CFAP107: variants seen among roughly 807,000 people sequenced by gnomAD.
The protein encoded by CFAP107 is cilia and flagella associated protein 107, also known as cilia- and flagella-associated protein 107.
chr1:12,759,160 T>G, the CFAP107 span: 2 of 816,800 alleles, frequency 2.4e-6, no homozygotes, highest in Non-Finnish European at 4.0e-6. Context: ...GATAAACAAG[T>G]GTGTTTCTGA....
the CFAP107 span, among the ~76,000 whole-genome samples, chr1:12,758,161 G>GGCT: frequency 6.6e-6 from 1 of 152,028 alleles, no homozygotes; most frequent in Non-Finnish European, 1.5e-5. Context: ...TCTTCCTGAT[G>GGCT]TGGCCCTGCA....
chr1:12,746,764 C>T, the CFAP107 span, among the ~76,000 whole-genome samples: 24 of 152,124 alleles, frequency 1.6e-4, no homozygotes, highest in South Asian at 3.3e-3. Flanking sequence ...TGATGGTTAT[C>T]GAAAAGACCA....
chr1:12,751,951 G>C, the CFAP107 span, among the ~76,000 whole-genome samples: 1 of 152,128 alleles, frequency 6.6e-6, no homozygotes, highest in East Asian at 1.9e-4. Flanking sequence ...CTAGTGAAGA[G>C]ATTGAATTAG....
the CFAP107 span, chr1:12,755,700 T>G: frequency 9.3e-3 from 14,962 of 1,603,432 alleles, 103 homozygotes; most frequent in Non-Finnish European, 0.011. Context: ...TCTTTTCCAG[T>G]TCACCAGAGA....
chr1:12,752,047 A>C, the CFAP107 span, among the ~76,000 whole-genome samples: 1 of 152,232 alleles, frequency 6.6e-6, no homozygotes, highest in African/African-American at 2.4e-5. Flanking sequence ...AAGAATTAAC[A>C]TCAGTCCTTC....
At chr1:12,754,456 A>C in the CFAP107 span, among the ~76,000 whole-genome samples, 497 of 152,248 alleles carry the variant, frequency 3.3e-3, 2 homozygotes, top group African/African-American at 0.011. Flanking sequence ...GGGAGTTCCC[A>C]AAAAAAATTA....
chr1:12,748,580 G>T, the CFAP107 span, among the ~76,000 whole-genome samples: 2,101 of 151,952 alleles, frequency 0.014, 44 homozygotes, highest in African/African-American at 0.047. Context: ...TTACCTGCTA[G>T]TTAGAAAAGG....
the CFAP107 span, chr1:12,762,956 A>G: frequency 6.6e-6 from 1 of 152,280 alleles, no homozygotes; most frequent in Non-Finnish European, 1.5e-5. Flanking sequence ...GGAGGCCTAT[A>G]TGGGCGGATC....
chr1:12,758,886 A>G, the CFAP107 span, among the ~76,000 whole-genome samples: 33 of 152,176 alleles, frequency 2.2e-4, no homozygotes, highest in Non-Finnish European at 3.8e-4. Context: ...TATAAGGCAT[A>G]CATGTCAGGC....
At chr1:12,757,453 C>G in the CFAP107 span, among the ~76,000 whole-genome samples, 1 of 149,348 alleles carries the variant, frequency 6.7e-6, no homozygotes, top group African/African-American at 2.5e-5. Context: ...GTGATGTTGG[C>G]TCACTGAAAC....
the CFAP107 span, among the ~76,000 whole-genome samples, chr1:12,749,512 G>A: frequency 6.6e-6 from 1 of 152,174 alleles, no homozygotes; most frequent in East Asian, 1.9e-4. Flanking sequence ...TCAGGAGGCT[G>A]AGGTGGGAGG....
At chr1:12,750,227 A>G in the CFAP107 span, among the ~76,000 whole-genome samples, 1 of 152,244 alleles carries the variant, frequency 6.6e-6, no homozygotes, top group African/African-American at 2.4e-5. Context: ...GAAAATGCCT[A>G]TAAAATATTC....
chr1:12,755,550 C>A, the CFAP107 span: 2 of 660,246 alleles, frequency 3.0e-6, no homozygotes, highest in Non-Finnish European at 2.8e-6. Context: ...CGTCCCCGAG[C>A]AAGCTCTTTC....
the CFAP107 span, among the ~76,000 whole-genome samples, chr1:12,756,988 T>G: frequency 7.9e-5 from 12 of 152,268 alleles, no homozygotes; most frequent in African/African-American, 2.2e-4. Context: ...CCCAGATGAC[T>G]CCCTCATCCT....
chr1:12,751,673 G>T, the CFAP107 span, among the ~76,000 whole-genome samples: 516 of 151,910 alleles, frequency 3.4e-3, 2 homozygotes, highest in African/African-American at 0.012. Context: ...TTGGTTTTTT[G>T]AAAAATCAAT....
At chr1:12,754,208 T>A in the CFAP107 span, among the ~76,000 whole-genome samples, 1 of 152,130 alleles carries the variant, frequency 6.6e-6, no homozygotes, top group Non-Finnish European at 1.5e-5. Context: ...GATTAAAAAA[T>A]GACAAAGGAG....
the CFAP107 span, chr1:12,763,128 G>A: frequency 6.6e-6 from 1 of 152,162 alleles, no homozygotes; most frequent in Non-Finnish European, 1.5e-5. Flanking sequence ...GGAGGTTTCA[G>A]TGAGACCAGA....
At chr1:12,759,969 A>T in the CFAP107 span, among the ~76,000 whole-genome samples, 60 of 152,162 alleles carry the variant, frequency 3.9e-4, no homozygotes, top group African/African-American at 1.4e-3. Context: ...CTATAAAGAA[A>T]ACAGGTAATG....
At chr1:12,751,338 G>C in the CFAP107 span, among the ~76,000 whole-genome samples, 1 of 152,074 alleles carries the variant, frequency 6.6e-6, no homozygotes, top group Non-Finnish European at 1.5e-5. Context: ...CAATAAAACC[G>C]AGTTGGGACC....
Sources: gnomAD v4.1 joint callset for allele counts (sites outside exome capture counted in the v4.1 genomes callset) on GRCh38, gnomAD v4.1.1 for gene constraint, MANE v1.5 for transcripts, NCBI Gene and HGNC (gene_info 2026-07-23, HGNC 2026-07-21) for gene names.